Variants in RPS27 observed in about 807,000 individuals in gnomAD.
RPS27 encodes small ribosomal subunit protein eS27.
In RPS27, 1 loss-of-function variant was observed where a neutral mutation model predicts 11.8. The observed-to-expected ratio is 0.08, with a 90% CI of 0.03 to 0.40. The LOEUF is 0.40. Among genes scored for constraint, RPS27 ranks in the 10% least tolerant of loss-of-function variants. The pLI is 0.98. For missense variants in RPS27, 44 were observed against 100.1 expected, an observed-to-expected ratio of 0.44 and a Z score of 2.39; for synonymous variants, 42 against 33.8, an observed-to-expected ratio of 1.24 and a Z score of -0.84.
At chr1:153,991,033 C>T (rs1649366379) in intron 1 of RPS27, 82 bp from the exon 2 acceptor site, 18 of 1,226,112 alleles carry the variant, frequency 1.5e-5, no homozygotes, top group Non-Finnish European at 1.9e-5. Context: ...GAGCTCTCCC[C>T]GGTGTGTGAC....
Position 153,992,046 on chromosome 1 carries a change from C to G in RPS27, c.227-19C>G, listed in dbSNP as rs1465447773. ...TACCTGTACTGATGACAGCTAATCT[C>G]TGAATCTTTTTCCTCCAGGATGTTC... is the stretch of plus-strand genomic sequence containing the variant. On this transcript the variant is annotated intron_variant, in intron 3 of 3. Coordinates refer to ENST00000651669, the MANE Select transcript of RPS27 (RefSeq NM_001030.6). 1 of 1,612,916 alleles carries G rather than the reference C, an allele frequency of 6.2e-7. No homozygotes were observed. Among genetic ancestry groups the G allele is most frequent in the Non-Finnish European group, 8.5e-7 (1 of 1,179,182 alleles).
At chr1:153,991,422 T>C in intron 2 of RPS27, 144 bp from the exon 3 acceptor site, 1 of 1,403,446 alleles carries the variant, frequency 7.1e-7, no homozygotes, top group Non-Finnish European at 9.7e-7. Context: ...AGTGATTCAT[T>C]TCACCGTGAT....
chr1:153,991,012 C>T, intron 1 of RPS27, 103 bp from the exon 2 acceptor site: 4 of 1,139,534 alleles, frequency 3.5e-6, no homozygotes, highest in East Asian at 2.6e-5. Flanking sequence ...ACACCAGGGG[C>T]GGCGAGGGGC....
intron 3 of RPS27, 68 bp from the exon 4 acceptor site, chr1:153,991,997 C>T (rs371744802): frequency 1.4e-6 from 2 of 1,450,222 alleles, no homozygotes; most frequent in African/African-American, 1.4e-5. Flanking sequence ...CATGCATCTG[C>T]TTTTTTGGGA....
Position 153,990,818 on chromosome 1 carries a change from C to G in RPS27, c.6+16C>G. ...GAACATGCCTGTGAGTGCTTTGGTC[C>G]AGGTTTCGGCGGAGATCTCGCTGTT... is the stretch of plus-strand genomic sequence containing the variant. On this transcript the variant is annotated intron_variant, in intron 1 of 3. Coordinates refer to ENST00000651669, the MANE Select transcript of RPS27 (RefSeq NM_001030.6). 3 of 1,614,198 alleles carry G rather than the reference C, an allele frequency of 1.9e-6. No individual in the cohort carries two copies. The highest frequency in any genetic ancestry group is 2.5e-6 in the Non-Finnish European group (3 of 1,180,032).
In RPS27 at chr1:153,991,102, C is replaced by G; in HGVS notation, c.7-13C>G. On this transcript the variant is annotated splice_polypyrimidine_tract_variant and intron_variant, in intron 1 of 3. Transcript: ENST00000651669. The stretch of plus-strand genomic sequence containing the variant: ...TGTTGGTTTCTAAATCTCTGCATTT[C>G]TGTCCCTCTTAGCTCGCAAAGGATC... The G allele has an allele frequency of 6.4e-7, 1 of 1,552,004 alleles. No individual in the cohort carries two copies. The highest frequency in any genetic ancestry group is 8.7e-7 in the Non-Finnish European group (1 of 1,144,472).
At chr1:153,991,340 G>GATACTCT in intron 2 of RPS27, 117 bp downstream of exon 2, 1 of 1,518,662 alleles carries the variant, frequency 6.6e-7, no homozygotes, top group Non-Finnish European at 8.8e-7. Flanking sequence ...TTCTTCGCCT[G>GATACTCT]TGGAAAATAT....
At chr1:153,990,889 C>T in intron 1 of RPS27, 87 bp downstream of exon 1, 1 of 1,532,422 alleles carries the variant, frequency 6.5e-7, no homozygotes, top group Non-Finnish European at 9.0e-7. Flanking sequence ...GTAGAGGGTC[C>T]TCATTTACCC....
chr1:153,991,262 C>T (rs370533898), intron 2 of RPS27, 39 bp downstream of exon 2: 172 of 1,570,466 alleles, frequency 1.1e-4, no homozygotes, highest in Non-Finnish European at 1.4e-4. Context: ...AAGCACTGGA[C>T]CTCAACAGTT....
chr1:153,992,038 G>C, intron 3 of RPS27, 27 bp from the exon 4 acceptor site: 1 of 1,611,768 alleles, frequency 6.2e-7, no homozygotes, highest in Non-Finnish European at 8.5e-7. Flanking sequence ...ACTGATGACA[G>C]CTAATCTCTG....
At chr1:153,990,888 C>T in intron 1 of RPS27, 86 bp downstream of exon 1, 1 of 1,529,840 alleles carries the variant, frequency 6.5e-7, no homozygotes, top group South Asian at 1.1e-5. Context: ...CGTAGAGGGT[C>T]CTCATTTACC....
intron 1 of RPS27, 107 bp downstream of exon 1, chr1:153,990,909 C>T: frequency 1.3e-6 from 2 of 1,490,954 alleles, no homozygotes; most frequent in Non-Finnish European, 1.9e-6. Context: ...CTCTGCACTT[C>T]TTAGGACATT....
intron 2 of RPS27, 80 bp from the exon 3 acceptor site, chr1:153,991,486 G>A: frequency 7.4e-7 from 1 of 1,359,790 alleles, no homozygotes. Context: ...GGGAAACAAT[G>A]TAATGGATGA....
chr1:153,991,666 G>A lies in RPS27; in HGVS notation c.216G>A (p.Arg72=). ...GCCAGCCTACAGGAGGAAAAGCAAG[G>A]CTTACAGAAGGTAAATGGTTTACTA... ...VLCQPTGGKA[R]LTEGCSFRRK... The change falls in exon 3 of 4, where the codon AGG becomes AGA. Residue 72 remains arginine, a synonymous_variant. Transcript: ENST00000651669. 1.9e-6 allele frequency: 3 copies of A among 1,597,190 alleles called. No homozygotes were observed. The highest frequency in any genetic ancestry group is 2.6e-6 in the Non-Finnish European group (3 of 1,165,294).
intron 1 of RPS27, 116 bp from the exon 2 acceptor site, chr1:153,990,999 C>G: frequency 8.6e-7 from 1 of 1,164,484 alleles, no homozygotes; most frequent in East Asian, 2.6e-5. Context: ...CCCAGCTGCG[C>G]AGACACCAGG....
intron 3 of RPS27, 66 bp downstream of exon 3, chr1:153,991,742 G>C: frequency 9.3e-7 from 1 of 1,072,872 alleles, no homozygotes; most frequent in Non-Finnish European, 1.4e-6. Flanking sequence ...ACATTTCTTA[G>C]GATTTTTCGG....
chr1:153,990,962 G>C, intron 1 of RPS27, 153 bp from the exon 2 acceptor site: 1 of 1,248,084 alleles, frequency 8.0e-7, no homozygotes. Context: ...CCGCATAGAC[G>C]GGAGCGGAGA....
chr1:153,990,853 C>T, intron 1 of RPS27, 51 bp downstream of exon 1: 1 of 1,612,122 alleles, frequency 6.2e-7, no homozygotes, highest in Non-Finnish European at 8.5e-7. Context: ...TCTGTCCGAA[C>T]TCTCCCCTCA....
At chr1:153,991,704 G>C in intron 3 of RPS27, 28 bp downstream of exon 3, 1 of 1,411,820 alleles carries the variant, frequency 7.1e-7, no homozygotes, top group Non-Finnish European at 9.9e-7. Flanking sequence ...GTGATTTGGG[G>C]CTTTGAGTTT....
Sources: gnomAD v4.1 joint callset for allele counts on GRCh38, gnomAD v4.1.1 for gene constraint, MANE v1.5 for transcripts, NCBI Gene and HGNC (gene_info 2026-07-23, HGNC 2026-07-21) for gene names.